Variants in CFAP57 observed in about 807,000 individuals in gnomAD.
CFAP57 encodes cilia and flagella associated protein 57.
CFAP57 carries 116 observed loss-of-function variants against 146.8 expected under a neutral mutation model. The ratio of observed to expected loss-of-function variants is 0.79; its 90% CI spans 0.68 to 0.92. CFAP57 has a LOEUF of 0.92. CFAP57 is among the 40% of genes least tolerant of loss of function. The pLI, the probability that CFAP57 is intolerant of heterozygous loss-of-function variation, is 0.00. For synonymous variants in CFAP57, 518 were observed against 552.8 expected, an observed-to-expected ratio of 0.94 and a Z score of 0.88; for missense variants, 1,377 against 1,527.2, an observed-to-expected ratio of 0.90 and a Z score of 1.64.
chr1:43,225,341 A>G (rs1468291639), intron 17 of CFAP57, among the ~76,000 whole-genome samples: 2 of 152,168 alleles, frequency 1.3e-5, no homozygotes, highest in Middle Eastern at 3.2e-3. Flanking sequence ...GGTAGTAAAT[A>G]TTTTTGGCTT....
At chr1:43,222,050 T>C in intron 14 of CFAP57, 55 bp from the exon 15 acceptor site, 1 of 1,448,212 alleles carries the variant, frequency 6.9e-7, no homozygotes, top group African/African-American at 1.4e-5. Context: ...CTCCTGGGTG[T>C]CCCTGAAGCA....
At chr1:43,193,699 A>G (rs970142152) in intron 6 of CFAP57, among the ~76,000 whole-genome samples, 2 of 151,958 alleles carry the variant, frequency 1.3e-5, no homozygotes, top group Non-Finnish European at 2.9e-5. Context: ...ACAAACCCCA[A>G]TGACATATTC....
chr1:43,197,634 C>T lies in CFAP57; in HGVS notation c.1204C>T (p.Pro402Ser), dbSNP rs768488513. 2 of 1,614,120 alleles carry T rather than the reference C, an allele frequency of 1.2e-6. No individual in the cohort carries two copies. Among genetic ancestry groups the T allele is most frequent in the Admixed American group, 1.7e-5 (1 of 60,028 alleles). ...CGGTCTAGCTACCTGCATCCGCAAACCCCTTATAGCCACCTGTTCTCTGGA... is the reference window on the plus strand; with the variant it reads ...CGGTCTAGCTACCTGCATCCGCAAATCCCTTATAGCCACCTGTTCTCTGGA... ...ITGLATCIRK[P>S]LIATCSLDRS... Residue 402 changes from proline to serine, a missense_variant, in exon 7 of 23, where the codon CCC (proline) becomes TCC (serine). Physicochemically the swap from Pro to Ser is moderately conservative, Grantham distance 74 (BLOSUM62 -1). Transcript: ENST00000372492.
intron 22 of CFAP57, among the ~76,000 whole-genome samples, chr1:43,245,410 G>C (rs1646078664): frequency 6.6e-6 from 1 of 151,812 alleles, no homozygotes; most frequent in African/African-American, 2.4e-5. Context: ...ATGTGATATA[G>C]CCAGGGTCTT....
At chr1:43,193,722 C>A (rs1228184765) in intron 6 of CFAP57, among the ~76,000 whole-genome samples, 1 of 151,656 alleles carries the variant, frequency 6.6e-6, no homozygotes, top group East Asian at 1.9e-4. Flanking sequence ...ATAATTATTA[C>A]CTTATATAAT....
At chr1:43,175,884 A>G (rs1645152712) in intron 2 of CFAP57, among the ~76,000 whole-genome samples, 1 of 148,970 alleles carries the variant, frequency 6.7e-6, no homozygotes, top group Admixed American at 6.8e-5. Flanking sequence ...TGCATTCTAG[A>G]TAATTACTTT....
rs1054922202 is a variant in CFAP57, at chr1:43,234,225, G to C, written c.3127-54G>C. The C allele has an allele frequency of 2.8e-6, 4 of 1,451,666 alleles. No individual in the cohort carries two copies. In the South Asian group the frequency reaches 4.3e-5, roughly 16 times the overall value. 89.9% of individuals were successfully genotyped at this position (1,451,666 alleles called of 1,614,324 possible). A position where few individuals can be genotyped will look rare whatever the true frequency, so the allele number is the denominator to read the frequency against. ...CCATTAACCTCTGCCTGCAGCCCCC[G>C]CCCCTCCACCGAGAGCACCCTACAG... On this transcript the variant is annotated intron_variant, in intron 19 of 22. Transcript: ENST00000372492.
chr1:43,220,710 C>T (rs1033905855), intron 13 of CFAP57, among the ~76,000 whole-genome samples: 2 of 151,752 alleles, frequency 1.3e-5, no homozygotes, highest in African/African-American at 2.4e-5. Flanking sequence ...GATGACAGAG[C>T]GAGGCCCTGT....
chr1:43,234,230 T>C, intron 19 of CFAP57, 49 bp from the exon 20 acceptor site: 1 of 1,471,598 alleles, frequency 6.8e-7, no homozygotes, highest in South Asian at 1.4e-5. Context: ...CCCCCGCCCC[T>C]CCACCGAGAG....
At position 43,199,463 on chromosome 1, in the gene CFAP57, G is replaced by C. The variant is rs762106232; in HGVS notation, c.1502G>C (p.Ser501Thr). ...GTGATTCACGTTTACACCACCACGA[G>C]CCTAGAGAACATCTCAAGCCTGAAA... The part of the protein sequence containing the change: ...GNVIHVYTTT[S>T]LENISSLKGH... Residue 501 changes from serine (S) to threonine (T), a missense_variant, in exon 9 of 23, where the codon AGC (serine) becomes ACC (threonine). Coordinates refer to ENST00000372492, the MANE Select transcript of CFAP57 (RefSeq NM_001378189.1). 26 of 1,614,024 alleles carry C rather than the reference G, an allele frequency of 1.6e-5. No individual in the cohort carries two copies. Among genetic ancestry groups the C allele is most frequent in the Non-Finnish European group, 2.2e-5 (26 of 1,180,038 alleles).
At chr1:43,251,742 T>C (rs1015168379) in intron 22 of CFAP57, among the ~76,000 whole-genome samples, 1 of 152,246 alleles carries the variant, frequency 6.6e-6, no homozygotes, top group Admixed American at 6.5e-5. Flanking sequence ...TGACTATTGA[T>C]CTACTCAAAA....
chr1:43,182,087 G>A (rs1645435515), intron 3 of CFAP57, among the ~76,000 whole-genome samples: 1 of 152,224 alleles, frequency 6.6e-6, no homozygotes, highest in African/African-American at 2.4e-5. Context: ...AGAGCTAGGA[G>A]TTCCCCAACT....
chr1:43,243,053 T>G (rs575026784), intron 21 of CFAP57, among the ~76,000 whole-genome samples, 174 bp from the exon 22 acceptor site: 5 of 152,074 alleles, frequency 3.3e-5, no homozygotes, highest in Non-Finnish European at 7.4e-5. Context: ...GCTGGTTCCT[T>G]AAGAGGCTGA....
At chr1:43,202,673 C>T (rs1644178652) in intron 9 of CFAP57, among the ~76,000 whole-genome samples, 1 of 151,714 alleles carries the variant, frequency 6.6e-6, no homozygotes, top group African/African-American at 2.4e-5. Flanking sequence ...ATCCCAGCTA[C>T]TCAGGAGGCT....
At chr1:43,215,194 G>A in intron 11 of CFAP57, 61 bp from the exon 12 acceptor site, 1 of 1,544,306 alleles carries the variant, frequency 6.5e-7, no homozygotes, top group Non-Finnish European at 8.8e-7. Flanking sequence ...GCAACAGCTG[G>A]CTCAGCCCTG....
intron 11 of CFAP57, among the ~76,000 whole-genome samples, chr1:43,212,865 C>G (rs1644673275): frequency 6.9e-6 from 1 of 145,022 alleles, no homozygotes; most frequent in Non-Finnish European, 1.5e-5. Context: ...ACCTGAGAAG[C>G]AGAGATTTCA....
rs577167950 is a variant in CFAP57 at position 43,194,558 on chromosome 1, C to T, written c.1123-2995C>T. On this transcript the variant is annotated intron_variant, in intron 6 of 22. Transcript: ENST00000372492. ...TTCTGTTCCTTTCTCTTTCTCCTCT[C>T]CTTCTAGCATTCACCTTATGCATTA... 9.2e-5 allele frequency: 14 copies of T among 152,178 alleles called. No homozygotes were observed. In the South Asian group the frequency reaches 1.2e-3, roughly 14 times the overall value. 9.4% of individuals were successfully genotyped at this position (152,178 alleles called of 1,614,324 possible).
At chr1:43,174,686 C>T (rs976217310) in intron 2 of CFAP57, among the ~76,000 whole-genome samples, 6 of 152,210 alleles carry the variant, frequency 3.9e-5, no homozygotes, top group East Asian at 1.9e-4. Context: ...CGTGGTGGCA[C>T]GTGCCTGTAG....
Position 43,222,204 on chromosome 1 carries a change from G to C in CFAP57, c.2441G>C (p.Arg814Pro), listed in dbSNP as rs556205421. The C allele has an allele frequency of 1.3e-6, 2 of 1,540,632 alleles. No individual in the cohort carries two copies. The highest frequency in any genetic ancestry group is 2.8e-5 in the African/African-American group (2 of 72,568). Reference protein sequence around the residue: ...RMQEEYEKQLRDNDETKSQAL... With the variant: ...RMQEEYEKQLPDNDETKSQAL... ...CAGGAAGAGTATGAAAAACAGCTCCGGGATAACGATGAGACCAAGAGCCAG... is the reference window on the plus strand; with the variant it reads ...CAGGAAGAGTATGAAAAACAGCTCCCGGATAACGATGAGACCAAGAGCCAG... The change falls in exon 15 of 23, where the codon CGG (arginine) becomes CCG (proline). Residue 814 changes from arginine (R) to proline (P), a missense_variant. Arg to Pro is a moderately radical substitution (Grantham distance 103). Transcript: ENST00000372492.
Sources: gnomAD v4.1 joint callset for allele counts (sites outside exome capture counted in the v4.1 genomes callset) on GRCh38, gnomAD v4.1.1 for gene constraint, MANE v1.5 for transcripts, NCBI Gene and HGNC (gene_info 2026-07-23, HGNC 2026-07-21) for gene names.